The following GPR143 variants were observed in gnomAD, a reference collection of about 807,000 sequenced individuals.
The protein encoded by GPR143 is G protein-coupled receptor 143, also known as G-protein coupled receptor 143.
In GPR143, 8 loss-of-function variants were observed where a neutral mutation model predicts 27.6. That is an observed-to-expected ratio of 0.29 (90% CI 0.17 to 0.52). The LOEUF is 0.52. Among genes scored for constraint, GPR143 ranks in the 20% least tolerant of loss-of-function variants. The probability of loss-of-function intolerance (pLI) is 0.96; values close to 1 mark genes in which losing one functional copy is unlikely to be tolerated. For missense variants in GPR143, 303 were observed against 343.1 expected, an observed-to-expected ratio of 0.88 and a Z score of 0.92; for synonymous variants, 156 against 153.2, an observed-to-expected ratio of 1.02 and a Z score of -0.13.
chrX:9,771,986 C>T (rs1464641455), intron 1 of GPR143, among the ~76,000 whole-genome samples: 3 of 111,124 alleles, frequency 2.7e-5, no homozygotes, highest in Non-Finnish European at 5.7e-5. Context: ...GCTGGGATTA[C>T]AGGCATGAGC....
rs774253396 is a variant in GPR143, at chrX:9,774,374, C to T, written c.-3+11868G>A. ...CTCACAACAAGGCCGGTTGGTTCCT[C>T]ACAGTCAGCGAGAAAGAGTCCACCA... On this transcript the variant is annotated intron_variant, in intron 1 of 7. Coordinates refer to the GPR143 transcript ENST00000447366. Among the ~76,000 whole-genome samples, 4 of 112,027 alleles carry T rather than the reference C, an allele frequency of 3.6e-5. No individual in the cohort carries two copies. In the East Asian group the frequency reaches 1.1e-3, roughly 32 times the overall value.
chrX:9,760,949 G>A, intron 1 of GPR143, 123 bp from the exon 2 acceptor site: 7 of 456,873 alleles, frequency 1.5e-5, no homozygotes, highest in South Asian at 3.5e-5. Context: ...GAAGAAGGAA[G>A]GAAGGAAAGG....
chrX:9,759,498 G>T, intron 2 of GPR143, 72 bp from the exon 3 acceptor site: 1 of 716,186 alleles, frequency 1.4e-6, no homozygotes, highest in Non-Finnish European at 2.2e-6. Context: ...CCTTGAGACG[G>T]CAGGGTAGAC....
chrX:9,768,604 C>G (rs2083543075), upstream of GPR143, among the ~76,000 whole-genome samples: 2 of 111,309 alleles, frequency 1.8e-5, no homozygotes, highest in Admixed American at 1.9e-4. Flanking sequence ...CACTTGAGCC[C>G]AGGAGTTTGA....
At chrX:9,772,034 G>T (rs979761462) in intron 1 of GPR143, among the ~76,000 whole-genome samples, 30 of 111,203 alleles carry the variant, frequency 2.7e-4, no homozygotes, top group Non-Finnish European at 5.3e-4. Flanking sequence ...CACAGTGGAT[G>T]AGTCAAGGAG....
At chrX:9,776,005 T>C (rs768012142) in intron 1 of GPR143, among the ~76,000 whole-genome samples, 2 of 112,431 alleles carry the variant, frequency 1.8e-5, no homozygotes, top group South Asian at 7.5e-4. Context: ...AATTCCTCCT[T>C]AACCATAGAC....
chrX:9,728,593 A>G (rs2083339377), intron 8 of GPR143, among the ~76,000 whole-genome samples: 1 of 82,503 alleles, frequency 1.2e-5, no homozygotes, highest in Non-Finnish European at 2.2e-5. Context: ...AGTCAGGAGG[A>G]GTGCTTGAGT....
In GPR143 at chrX:9,725,704, G is replaced by GTTCTTT. The variant is rs2083322331; in HGVS notation, c.*41_*42insAAAGAA. 9.2e-6 allele frequency: 9 copies of GTTCTTT among 975,939 alleles called. No individual in the cohort carries two copies. The highest frequency in any genetic ancestry group is 1.2e-5 in the Non-Finnish European group (8 of 683,292). The allele number at this position is 975,939 out of a possible 1,213,427, so 80.4% of individuals were successfully genotyped here. On this transcript the variant is annotated 3_prime_UTR_variant, in exon 9 of 9. Transcript: ENST00000467482. ...ACAGTTCTAAAGAACAAGAATTGTTGAGTCTGAGGAATATGGGGTCTGGAC... is the reference window on the plus strand; with the variant it reads ...ACAGTTCTAAAGAACAAGAATTGTTGTTCTTTAGTCTGAGGAATATGGGGTCTGGAC...
In GPR143 at chrX:9,743,788, A is replaced by C. The variant is rs2083415788; in HGVS notation, c.659-115T>G. 7.4e-6 allele frequency: 4 copies of C among 541,939 alleles called. No homozygotes were observed. In the East Asian group the frequency reaches 1.4e-4, roughly 18 times the overall value. The allele number at this position is 541,939 out of a possible 1,213,427, so 44.7% of individuals were successfully genotyped here. ...AAGCAAGGCCAGAGGGGCAGGAAGCAAAGCAAGTCACTGACATTCATTCCT... is the reference window on the plus strand; with the variant it reads ...AAGCAAGGCCAGAGGGGCAGGAAGCCAAGCAAGTCACTGACATTCATTCCT... On this transcript the variant is annotated intron_variant, in intron 5 of 8. Coordinates refer to ENST00000467482, the MANE Select transcript of GPR143 (RefSeq NM_000273.3).
chrX:9,766,683 G>A (rs760474550), upstream of GPR143, among the ~76,000 whole-genome samples: 1 of 111,476 alleles, frequency 9.0e-6, no homozygotes, highest in East Asian at 2.8e-4. Context: ...CCAAGATAGT[G>A]CCACTGCACT....
intron 1 of GPR143, 94 bp downstream of exon 1, chrX:9,765,473 CT>C: frequency 1.1e-6 from 1 of 871,140 alleles, no homozygotes; most frequent in Non-Finnish European, 1.5e-6. Context: ...GCCGTGCGCC[CT>C]TATCCGGGCA....
rs190817678 is a variant in GPR143, at chrX:9,738,542, C to T, written c.1120+943G>A. On this transcript the variant is annotated intron_variant, in intron 8 of 8. Coordinates refer to ENST00000467482, the MANE Select transcript of GPR143 (RefSeq NM_000273.3). ...GTATCATGGAATCAATTCATCAGTT[C>T]ATCACCATATTTTTTGGTCTTCAAA... The T allele has an allele frequency of 2.0e-4, 146 of 740,978 alleles. No homozygotes were observed. In the African/African-American group the frequency reaches 3.0e-3, roughly 15 times the overall value. The allele number at this position is 740,978 out of a possible 1,213,427, so 61.1% of individuals were successfully genotyped here.
chrX:9,769,645 G>A (rs770286170), upstream of GPR143, among the ~76,000 whole-genome samples: 11 of 111,505 alleles, frequency 9.9e-5, no homozygotes, highest in Non-Finnish European at 1.9e-4. Flanking sequence ...GCAGTGGTGC[G>A]ATCTCAGCTC....
rs752544660 is a variant in GPR143, at chrX:9,725,826, T to C, written c.1135A>G (p.Thr379Ala). The C allele has an allele frequency of 1.7e-6, 2 of 1,209,977 alleles. No homozygotes were observed. Among genetic ancestry groups the C allele is most frequent in the East Asian group, 5.9e-5 (2 of 33,809 alleles). The change falls in exon 9 of 9, where the codon ACA (threonine) becomes GCA (alanine). Residue 379 changes from threonine to alanine, a missense_variant. Thr to Ala is a moderately conservative substitution (Grantham distance 58). Coordinates refer to ENST00000467482, the MANE Select transcript of GPR143 (RefSeq NM_000273.3). The part of the protein sequence containing the change: ...SMLSEGSDAS[T>A]IEIHTASESC... ...TCACTTGCAGTGTGAATTTCAATTG[T>C]GCTGGCATCAGAACCTGGAGAGGAA... is the stretch of plus-strand genomic sequence containing the variant.
intron 3 of GPR143, among the ~76,000 whole-genome samples, chrX:9,751,529 T>C (rs1013306493): frequency 7.1e-5 from 8 of 112,429 alleles, no homozygotes; most frequent in African/African-American, 2.6e-4. Context: ...AATGAAGTAC[T>C]AATGCATGCT....
intron 3 of GPR143, among the ~76,000 whole-genome samples, chrX:9,753,410 GAAAAA>G (rs5901416): frequency 2.7e-5 from 2 of 72,923 alleles, no homozygotes; most frequent in African/African-American, 9.8e-5. Context: ...AACAGAATCT[GAAAAA>G]AAAAAAAAAA....
At chrX:9,760,079 T>C (rs1375560289) in intron 2 of GPR143, among the ~76,000 whole-genome samples, 2 of 112,279 alleles carry the variant, frequency 1.8e-5, no homozygotes, top group African/African-American at 6.5e-5. Flanking sequence ...TTTGTTTATA[T>C]ATAATTATGT....
intron 5 of GPR143, among the ~76,000 whole-genome samples, chrX:9,745,279 T>C (rs2083423448): frequency 8.9e-6 from 1 of 112,773 alleles, no homozygotes; most frequent in Admixed American, 9.3e-5. Flanking sequence ...AGTGTAGATA[T>C]GAAGAGAATG....
chrX:9,735,965 C>G (rs1337051768), intron 8 of GPR143, among the ~76,000 whole-genome samples: 2 of 111,544 alleles, frequency 1.8e-5, no homozygotes, highest in African/African-American at 3.3e-5. Flanking sequence ...CTTAACTTAC[C>G]CAAATTCACC....
Sources: allele counts gnomAD v4.1 joint callset (sites outside exome capture counted in the v4.1 genomes callset), GRCh38; gene constraint gnomAD v4.1.1; transcripts MANE v1.5; gene names NCBI Gene and HGNC (gene_info 2026-07-23, HGNC 2026-07-21).